KIF21A: variants seen among roughly 807,000 people sequenced by gnomAD.
The protein encoded by KIF21A is kinesin-like protein KIF21A.
A neutral mutation model predicts 202.9 loss-of-function variants in KIF21A; 114 were observed. The observed-to-expected ratio is 0.56, with a 90% CI of 0.48 to 0.66. The LOEUF is 0.66. Among genes scored for constraint, KIF21A ranks in the 30% least tolerant of loss-of-function variants. The pLI is 0.00. For missense variants in KIF21A, 1,677 were observed against 1,994.9 expected, an observed-to-expected ratio of 0.84 and a Z score of 3.04; for synonymous variants, 667 against 670.8, an observed-to-expected ratio of 0.99 and a Z score of 0.09.
chr12:39,371,927 C>T (rs956671370), intron 1 of KIF21A, among the ~76,000 whole-genome samples: 2 of 147,832 alleles, frequency 1.4e-5, no homozygotes, highest in Non-Finnish European at 3.0e-5. Flanking sequence ...AGTGAGAATC[C>T]GTCTCAAAAA....
chr12:39,330,576 T>C (rs1218781377), intron 23 of KIF21A, among the ~76,000 whole-genome samples, 170 bp downstream of exon 23: 1 of 152,138 alleles, frequency 6.6e-6, no homozygotes, highest in Non-Finnish European at 1.5e-5. Context: ...ATGACAATAA[T>C]TACCTCGCCA....
At chr12:39,309,902 C>CCTAA in intron 32 of KIF21A, 136 bp from the exon 33 acceptor site, 1 of 765,394 alleles carries the variant, frequency 1.3e-6, no homozygotes, top group Non-Finnish European at 2.1e-6. Flanking sequence ...CCACAAGGAT[C>CCTAA]CTAACTTCAT....
chr12:39,326,923 T>C (rs1441974800), intron 24 of KIF21A, among the ~76,000 whole-genome samples: 1 of 152,148 alleles, frequency 6.6e-6, no homozygotes, highest in East Asian at 1.9e-4. Flanking sequence ...ATGCAACAGC[T>C]CTGTAAACTA....
intron 31 of KIF21A, chr12:39,312,913 T>C (rs1428178571): frequency 6.6e-6 from 1 of 151,956 alleles, no homozygotes; most frequent in East Asian, 1.9e-4. Context: ...CAAAGCATTA[T>C]ATGCTTCAAA....
At chr12:39,370,472 C>A (rs1160436613) in intron 1 of KIF21A, among the ~76,000 whole-genome samples, 3 of 152,086 alleles carry the variant, frequency 2.0e-5, no homozygotes, top group Non-Finnish European at 4.4e-5. Flanking sequence ...AGTTACTTAA[C>A]AATCCCCCAA....
intron 1 of KIF21A, among the ~76,000 whole-genome samples, chr12:39,441,092 C>A (rs1326608403): frequency 1.3e-5 from 2 of 152,022 alleles, no homozygotes. Context: ...CTGAATTCAA[C>A]AAATTGAATC....
chr12:39,303,020 C>T lies in KIF21A; in HGVS notation c.4676G>A (p.Gly1559Glu). The T allele has an allele frequency of 6.2e-7, 1 of 1,613,892 alleles. No individual in the cohort carries two copies. The highest frequency in any genetic ancestry group is 8.5e-7 in the Non-Finnish European group (1 of 1,179,872). The stretch of plus-strand genomic sequence containing the variant: ...TTTCTTGATTCCATTATCTCTAGAC[C>T]CACTAAATAGGTTATCCCCTTGAAT... ...LTIQGDNLFS[G>E]SRDNGIKKWD... The change falls in exon 36 of 38, where the codon GGG (glycine) becomes GAG (glutamate). Residue 1559 changes from glycine (G) to glutamate (E), a missense_variant. Gly to Glu is a moderately conservative substitution (Grantham distance 98, BLOSUM62 -2). Around this residue, in one of 3 missense-constraint regions of KIF21A, gnomAD observed 705 missense variants for 791.9 expected, o/e 0.89. Transcript: ENST00000361418.
chr12:39,294,521 C>A lies in KIF21A; in HGVS notation c.4932-4G>T, dbSNP rs771052249. Reference sequence around the variant, plus strand: ...CCAAATTCTCACAGTTCGATCACTACAAAAAAATAAACAAAACATGGATAT... The same window carrying A: ...CCAAATTCTCACAGTTCGATCACTAAAAAAAAATAAACAAAACATGGATAT... On this transcript the variant is annotated splice_region_variant and splice_polypyrimidine_tract_variant and intron_variant, in intron 37 of 37. Coordinates refer to ENST00000361418, the MANE Select transcript of KIF21A (RefSeq NM_001173464.2). 1 of 1,609,734 alleles carries A rather than the reference C, an allele frequency of 6.2e-7. No homozygotes were observed. Among genetic ancestry groups the A allele is most frequent in the East Asian group, 2.2e-5 (1 of 44,788 alleles).
rs1303488886 is a variant in KIF21A, at chr12:39,396,906, C to T, written c.45-26645G>A. On this transcript the variant is annotated intron_variant, in intron 1 of 37. Coordinates refer to ENST00000361418, the MANE Select transcript of KIF21A (RefSeq NM_001173464.2). ...AATAAACTACTGACACATGCCACAACGTGAATAAACCCCAAAAACATAATG... is the reference window on the plus strand; with the variant it reads ...AATAAACTACTGACACATGCCACAATGTGAATAAACCCCAAAAACATAATG... Among the ~76,000 whole-genome samples the T allele has an allele frequency of 4.6e-5, 7 of 152,090 alleles. No individual in the cohort carries two copies. In the East Asian group the frequency reaches 1.2e-3, roughly 25 times the overall value.
intron 1 of KIF21A, among the ~76,000 whole-genome samples, chr12:39,394,200 C>T (rs1201850260): frequency 6.6e-6 from 1 of 152,200 alleles, no homozygotes; most frequent in Non-Finnish European, 1.5e-5. Context: ...GAAAGTCTTG[C>T]AGAGCATGCA....
At chr12:39,373,107 T>C (rs1046071696) in intron 1 of KIF21A, among the ~76,000 whole-genome samples, 2 of 152,150 alleles carry the variant, frequency 1.3e-5, no homozygotes, top group South Asian at 2.1e-4. Flanking sequence ...CACTGTAATA[T>C]GAGTAATTTG....
intron 1 of KIF21A, among the ~76,000 whole-genome samples, chr12:39,437,822 G>A (rs1939025828): frequency 2.0e-5 from 3 of 152,082 alleles, no homozygotes; most frequent in Admixed American, 1.3e-4. Flanking sequence ...AGGATGAAAG[G>A]AATAAATAAC....
At position 39,307,635 on chromosome 12, in the gene KIF21A, C is replaced by A. The variant is rs771111885; in HGVS notation, c.4372G>T (p.Ala1458Ser). 78 of 1,614,066 alleles carry A rather than the reference C, an allele frequency of 4.8e-5. No homozygotes were observed. Among genetic ancestry groups the A allele is most frequent in the Non-Finnish European group, 6.5e-5 (77 of 1,179,952 alleles). The change falls in exon 34 of 38, where the codon GCC becomes TCC. Residue 1458 changes from alanine to serine, a missense_variant. By Grantham distance (99) the Ala-to-Ser change is moderately conservative. Coordinates refer to ENST00000361418, the MANE Select transcript of KIF21A (RefSeq NM_001173464.2). The part of the protein sequence containing the change: ...PSGENQINQI[A>S]LNPTGTFLYA... ...AGGAAGGTGCCAGTTGGGTTTAGGGCAATTTGATTGATCTGGTTCTCTCCA... is the reference window on the plus strand; with the variant it reads ...AGGAAGGTGCCAGTTGGGTTTAGGGAAATTTGATTGATCTGGTTCTCTCCA...
intron 1 of KIF21A, among the ~76,000 whole-genome samples, chr12:39,418,362 A>C (rs1241090243): frequency 6.6e-6 from 1 of 152,210 alleles, no homozygotes; most frequent in East Asian, 1.9e-4. Flanking sequence ...TAATATGTTA[A>C]GTGATGAAAA....
At chr12:39,438,421 A>G (rs1159233306) in intron 1 of KIF21A, among the ~76,000 whole-genome samples, 1 of 152,220 alleles carries the variant, frequency 6.6e-6, no homozygotes, top group Non-Finnish European at 1.5e-5. Flanking sequence ...AACTCTTAAT[A>G]TCTTTAGGTT....
intron 21 of KIF21A, 192 bp from the exon 22 acceptor site, chr12:39,331,983 C>T: frequency 1.5e-6 from 1 of 667,338 alleles, no homozygotes; most frequent in Non-Finnish European, 2.6e-6. Context: ...GTTAAGAATT[C>T]AAGGTGGGAT....
At chr12:39,346,702 C>A (rs1417059870) in intron 11 of KIF21A, among the ~76,000 whole-genome samples, 198 bp from the exon 12 acceptor site, 3 of 151,904 alleles carry the variant, frequency 2.0e-5, no homozygotes, top group Non-Finnish European at 4.4e-5. Context: ...AGTAGAAAAT[C>A]AAGCAGCAAT....
At chr12:39,308,522 T>C (rs1038264374) in intron 33 of KIF21A, among the ~76,000 whole-genome samples, 1 of 152,240 alleles carries the variant, frequency 6.6e-6, no homozygotes, top group African/African-American at 2.4e-5. Context: ...ATTGCCTTTC[T>C]GGATTAAAGA....
At chr12:39,439,700 T>C (rs1449992932) in intron 1 of KIF21A, among the ~76,000 whole-genome samples, 1 of 152,228 alleles carries the variant, frequency 6.6e-6, no homozygotes, top group Non-Finnish European at 1.5e-5. Context: ...TGGGGTTGGA[T>C]AGCAAGGGCT....
Sources: allele counts gnomAD v4.1 joint callset (sites outside exome capture counted in the v4.1 genomes callset), GRCh38; gene constraint gnomAD v4.1.1; regional missense constraint gnomAD v4.1.1; transcripts MANE v1.5; gene names NCBI Gene and HGNC (gene_info 2026-07-23, HGNC 2026-07-21).